WASHC3: variants seen among roughly 807,000 people sequenced by gnomAD.
The protein encoded by WASHC3 is WASH complex subunit CCDC53.
In WASHC3, 24 loss-of-function variants were observed where a neutral mutation model predicts 26.1. The observed-to-expected ratio is 0.92, with a 90% CI of 0.66 to 1.29. The LOEUF is 1.29. Among genes scored for constraint, WASHC3 ranks in the 50% most tolerant of loss-of-function variants. The pLI, the probability that WASHC3 is intolerant of heterozygous loss-of-function variation, is 0.00. For synonymous variants in WASHC3, 77 were observed against 75.7 expected, an observed-to-expected ratio of 1.02 and a Z score of -0.09; for missense variants, 214 against 229.6, an observed-to-expected ratio of 0.93 and a Z score of 0.44.
intron 2 of WASHC3, chr12:102,048,336 G>A (rs1878247778): frequency 6.6e-6 from 1 of 152,228 alleles, no homozygotes. Flanking sequence ...AGCACTTTGG[G>A]AGGCCGAGGC....
intron 6 of WASHC3, among the ~76,000 whole-genome samples, chr12:102,020,450 A>T (rs1295160947): frequency 2.6e-5 from 4 of 152,178 alleles, no homozygotes; most frequent in African/African-American, 4.8e-5. Context: ...GAGAGTCCTA[A>T]AATACCATTA....
chr12:102,048,024 C>T (rs1878234510), intron 2 of WASHC3, among the ~76,000 whole-genome samples: 1 of 152,152 alleles, frequency 6.6e-6, no homozygotes, highest in Admixed American at 6.5e-5. Flanking sequence ...TAATTTTACA[C>T]TGTTAAAACA....
intron 4 of WASHC3, among the ~76,000 whole-genome samples, chr12:102,042,695 C>T (rs1437139242): frequency 6.6e-6 from 1 of 152,198 alleles, no homozygotes. Flanking sequence ...ACAGAAAGCA[C>T]TCTTGAAGTG....
chr12:102,038,055 A>G (rs1877752170), intron 5 of WASHC3, among the ~76,000 whole-genome samples: 1 of 152,148 alleles, frequency 6.6e-6, no homozygotes, highest in South Asian at 2.1e-4. Context: ...TCGGCCTCCC[A>G]AAGTGCTGGG....
intron 6 of WASHC3, among the ~76,000 whole-genome samples, chr12:102,015,763 T>C (rs558940672): frequency 1.3e-5 from 2 of 152,340 alleles, no homozygotes; most frequent in Non-Finnish European, 2.9e-5. Flanking sequence ...TGTTACAGAA[T>C]GTGAGACAGC....
intron 6 of WASHC3, among the ~76,000 whole-genome samples, chr12:102,016,661 T>C (rs980922188): frequency 1.3e-5 from 2 of 152,226 alleles, no homozygotes; most frequent in Non-Finnish European, 2.9e-5. Context: ...GAAGACCTTT[T>C]AGTCAGACAG....
At chr12:102,013,265 G>T in intron 6 of WASHC3, 73 bp from the exon 7 acceptor site, 1 of 739,332 alleles carries the variant, frequency 1.4e-6, no homozygotes. Context: ...CTTAAATTTG[G>T]TTCATCTTAG....
intron 6 of WASHC3, among the ~76,000 whole-genome samples, chr12:102,022,704 T>C (rs1877009381): frequency 6.6e-6 from 1 of 152,196 alleles, no homozygotes; most frequent in Non-Finnish European, 1.5e-5. Context: ...ATTGTAAAAG[T>C]AGCAATTACT....
At chr12:102,018,823 T>A (rs2121324586) in intron 6 of WASHC3, among the ~76,000 whole-genome samples, 1 of 151,598 alleles carries the variant, frequency 6.6e-6, no homozygotes, top group African/African-American at 2.4e-5. Flanking sequence ...CTTATTTATT[T>A]ATTTATTTAT....
intron 5 of WASHC3, among the ~76,000 whole-genome samples, chr12:102,034,991 A>C (rs1877593535): frequency 6.6e-6 from 1 of 152,114 alleles, no homozygotes; most frequent in Non-Finnish European, 1.5e-5. Context: ...CATATATGGA[A>C]ATTCTTGAAC....
chr12:102,019,980 C>T (rs1876880292), intron 6 of WASHC3, among the ~76,000 whole-genome samples: 1 of 152,164 alleles, frequency 6.6e-6, no homozygotes, highest in African/African-American at 2.4e-5. Flanking sequence ...TTGCTGTCCT[C>T]ATCTTTTCCC....
chr12:102,024,031 G>A (rs1877067681), intron 6 of WASHC3, among the ~76,000 whole-genome samples: 1 of 152,122 alleles, frequency 6.6e-6, no homozygotes, highest in Non-Finnish European at 1.5e-5. Context: ...AGCCAGGCCA[G>A]TAAGATGAGG....
intron 2 of WASHC3, among the ~76,000 whole-genome samples, chr12:102,056,561 T>C (rs1878599699): frequency 1.3e-5 from 2 of 152,206 alleles, no homozygotes; most frequent in South Asian, 4.1e-4. Flanking sequence ...TTTTACTGCA[T>C]ATAAGTTCAT....
intron 2 of WASHC3, among the ~76,000 whole-genome samples, chr12:102,060,370 C>T (rs1471842419): frequency 6.6e-6 from 1 of 152,158 alleles, no homozygotes; most frequent in African/African-American, 2.4e-5. Flanking sequence ...GTCTCAAATT[C>T]CCGGGCGCAA....
chr12:102,061,423 T>A, intron 1 of WASHC3, 77 bp from the exon 2 acceptor site: 1 of 921,022 alleles, frequency 1.1e-6, no homozygotes, highest in South Asian at 1.4e-5. Flanking sequence ...TTGGACATAA[T>A]CACGAGGCAC....
At position 102,013,149 on chromosome 12, in the gene WASHC3, C is replaced by T. The variant is rs1376534056; in HGVS notation, c.544G>A (p.Val182Ile). The part of the protein sequence containing the change: ...PVPDGESEKT[V>I]EESSDSESSF... ...GATTCGCTATCTGAACTTTCTTCTA[C>T]AGTTTTCTCACTTTCGCCATCAGGC... Residue 182 changes from valine to isoleucine, a missense_variant, in exon 7 of 7, where the codon GTA becomes ATA. Coordinates refer to ENST00000240079, the MANE Select transcript of WASHC3 (RefSeq NM_016053.4). The T allele has an allele frequency of 6.4e-7, 1 of 1,552,928 alleles. No individual in the cohort carries two copies. The highest frequency in any genetic ancestry group is 1.2e-5 in the South Asian group (1 of 84,468).
In WASHC3 at chr12:102,027,444, A is replaced by G. The variant is rs572929235; in HGVS notation, c.436-1406T>C. Among the ~76,000 whole-genome samples the G allele has an allele frequency of 4.6e-5, 7 of 152,326 alleles. No individual in the cohort carries two copies. The South Asian group carries it at 1.2e-3, about 27-fold the overall frequency. Reference sequence around the variant, plus strand: ...ATGTACAAACGTGACAGCTAAATTTATTACAAATTTAATATGAAAAGTCTT... The same window carrying G: ...ATGTACAAACGTGACAGCTAAATTTGTTACAAATTTAATATGAAAAGTCTT... On this transcript the variant is annotated intron_variant, in intron 5 of 6. Transcript: ENST00000240079.
intron 6 of WASHC3, among the ~76,000 whole-genome samples, chr12:102,017,309 T>C (rs967173973): frequency 1.6e-4 from 24 of 152,146 alleles, no homozygotes; most frequent in Admixed American, 1.5e-3. Context: ...CTACAATGCA[T>C]TTCTTGTAAC....
chr12:102,059,311 C>A (rs937882369), intron 2 of WASHC3, among the ~76,000 whole-genome samples: 3 of 152,098 alleles, frequency 2.0e-5, no homozygotes, highest in African/African-American at 4.8e-5. Context: ...CATAAAAATA[C>A]AATTTTTACC....
Sources: gnomAD v4.1 joint callset for allele counts (sites outside exome capture counted in the v4.1 genomes callset) on GRCh38, gnomAD v4.1.1 for gene constraint, MANE v1.5 for transcripts, NCBI Gene and HGNC (gene_info 2026-07-23, HGNC 2026-07-21) for gene names.